The following CNR1 variants were observed in gnomAD, a reference collection of about 807,000 sequenced individuals.
CNR1 encodes cannabinoid receptor 1, also known as cannabinoid receptor 1 (brain).
Under a neutral mutation model 23.0 loss-of-function variants are expected in CNR1, and 10 were observed. The observed-to-expected ratio is 0.43, with a 90% CI of 0.27 to 0.74. The LOEUF (loss-of-function observed/expected upper bound fraction) is 0.74. Among genes scored for constraint, CNR1 ranks in the 30% least tolerant of loss-of-function variants. CNR1 has a pLI of 0.19. For missense variants in CNR1, 422 were observed against 618.8 expected (o/e 0.68, Z 3.37); for synonymous variants, 271 against 255.2 (o/e 1.06, Z -0.59).
chr6:88,152,948 A>C (rs979753647), intron 1 of CNR1, among the ~76,000 whole-genome samples: 6 of 152,228 alleles, frequency 3.9e-5, no homozygotes, highest in Non-Finnish European at 8.8e-5. Flanking sequence ...CCTATTAAAG[A>C]AGCAGTTGGT....
intron 1 of CNR1, among the ~76,000 whole-genome samples, chr6:88,149,574 C>T (rs1777409738): frequency 1.3e-5 from 2 of 152,178 alleles, no homozygotes; most frequent in African/African-American, 4.8e-5. Context: ...TTTTGCCTTT[C>T]GACTCCCACT....
chr6:88,147,412 G>A (rs757004326), intron 1 of CNR1, among the ~76,000 whole-genome samples: 10 of 152,204 alleles, frequency 6.6e-5, no homozygotes, highest in African/African-American at 9.7e-5. Flanking sequence ...AATTGGGGAC[G>A]TACAGGATGC....
At chr6:88,164,997 G>A (rs1317384858) in intron 1 of CNR1, among the ~76,000 whole-genome samples, 1 of 152,018 alleles carries the variant, frequency 6.6e-6, no homozygotes, top group Non-Finnish European at 1.5e-5. Flanking sequence ...TTATTTGGAG[G>A]AAAATAAAAA....
intron 1 of CNR1, among the ~76,000 whole-genome samples, chr6:88,165,380 T>A (rs1261337440): frequency 6.6e-6 from 1 of 152,248 alleles, no homozygotes; most frequent in Non-Finnish European, 1.5e-5. Flanking sequence ...AAAAGTTTAT[T>A]ATTTGACATA....
intron 1 of CNR1, among the ~76,000 whole-genome samples, chr6:88,160,896 G>T (rs976640300): frequency 2.0e-5 from 3 of 152,088 alleles, no homozygotes; most frequent in Admixed American, 2.0e-4. Flanking sequence ...GAAAGAGGGG[G>T]ACCCTCTCAT....
At chr6:88,149,713 A>G (rs1005969912) in intron 1 of CNR1, among the ~76,000 whole-genome samples, 2 of 152,046 alleles carry the variant, frequency 1.3e-5, no homozygotes, top group Non-Finnish European at 2.9e-5. Context: ...TGCCTACTAA[A>G]CTTATCTTTC....
At chr6:88,165,504 G>GCAC (rs1167953366) in intron 1 of CNR1, among the ~76,000 whole-genome samples, 7 of 152,188 alleles carry the variant, frequency 4.6e-5, no homozygotes, top group African/African-American at 1.7e-4. Context: ...TAGGCATTCA[G>GCAC]CACCAACTCA....
intron 1 of CNR1, among the ~76,000 whole-genome samples, chr6:88,153,048 C>G (rs890500150): frequency 3.9e-5 from 6 of 152,108 alleles, no homozygotes; most frequent in African/African-American, 7.2e-5. Context: ...CCAACATATT[C>G]TAACAGTGTA....
chr6:88,140,218 TAAAG>T lies in CNR1; in HGVS notation c.*3634_*3637del, dbSNP rs1443038382. On this transcript the variant is annotated 3_prime_UTR_variant, in exon 2 of 2. Coordinates refer to ENST00000369501, the MANE Select transcript of CNR1 (RefSeq NM_016083.6). ...GTAATAATGTTAGATTTACAGACAA[TAAAG>T]AGTCATGTTTCCCGCTTGAAACATT... The T allele has an allele frequency of 1.3e-5, 2 of 152,712 alleles. No homozygotes were observed. Among genetic ancestry groups the T allele is most frequent in the African/African-American group, 2.4e-5 (1 of 41,414 alleles). The allele number at this position is 152,712 out of a possible 1,614,324, so 9.5% of individuals were successfully genotyped here. A position where few individuals can be genotyped will look rare whatever the true frequency, so the allele number is the denominator to read the frequency against.
At position 88,145,016 on chromosome 6, in the gene CNR1, A is replaced by G. The variant is rs370383012; in HGVS notation, c.259T>C (p.Ser87Pro). 19 of 1,614,010 alleles carry G rather than the reference A, an allele frequency of 1.2e-5. No individual in the cohort carries two copies. The highest frequency in any genetic ancestry group is 1.5e-5 in the Non-Finnish European group (18 of 1,180,026). The change falls in exon 2 of 2, where the codon TCG becomes CCG. Residue 87 changes from serine (S) to proline (P), a missense_variant. Coordinates refer to ENST00000369501, the MANE Select transcript of CNR1 (RefSeq NM_016083.6). ...NITEFYNKSLSSFKENEENIQ... is the reference protein window; with the variant it reads ...NITEFYNKSLPSFKENEENIQ... The stretch of plus-strand genomic sequence containing the variant: ...TTCTCCTCATTCTCCTTGAAGGACG[A>G]GAGAGACTTGTTGTAAAATTCTGTA...
intron 1 of CNR1, among the ~76,000 whole-genome samples, chr6:88,155,173 A>C (rs549516567): frequency 9.9e-5 from 15 of 152,220 alleles, no homozygotes; most frequent in South Asian, 2.1e-4. Context: ...TTCTCTCTTC[A>C]TCTATCAGTG....
At chr6:88,154,283 T>C (rs1373165743) in intron 1 of CNR1, among the ~76,000 whole-genome samples, 2 of 152,222 alleles carry the variant, frequency 1.3e-5, no homozygotes, top group African/African-American at 4.8e-5. Flanking sequence ...TCTGTTCAAA[T>C]TTAATGTGAA....
chr6:88,154,736 G>A (rs928606431), intron 1 of CNR1, among the ~76,000 whole-genome samples: 1 of 152,038 alleles, frequency 6.6e-6, no homozygotes, highest in Non-Finnish European at 1.5e-5. Context: ...ATGCCACCAC[G>A]CCTAGTTAAT....
chr6:88,144,870 G>C lies in CNR1; in HGVS notation c.405C>G (p.Leu135=). 1 of 1,614,206 alleles carries C rather than the reference G, an allele frequency of 6.2e-7. No individual in the cohort carries two copies. Among genetic ancestry groups the C allele is most frequent in the Non-Finnish European group, 8.5e-7 (1 of 1,180,036 alleles). Residue 135 remains leucine, a synonymous_variant, in exon 2 of 2, where the codon CTC becomes CTG. Coordinates refer to ENST00000369501, the MANE Select transcript of CNR1 (RefSeq NM_016083.6). The surrounding 1 kb of genome is among the most constrained non-coding windows in gnomAD (Gnocchi z 7.8). ...TLGTFTVLEN[L]LVLCVILHSR... ...AGTGGAGGATGACGCACAGCACCAG[G>C]AGGTTCTCCAGGACCGTGAAGGTGC...
intron 1 of CNR1, among the ~76,000 whole-genome samples, chr6:88,146,457 C>T (rs2127832188): frequency 6.6e-6 from 1 of 152,228 alleles, no homozygotes; most frequent in South Asian, 2.1e-4. Context: ...CTGATAGTCC[C>T]CTTCATGAGC....
Position 88,145,312 on chromosome 6 carries a change from G to A in CNR1, c.-38C>T, listed in dbSNP as rs369660344. The A allele has an allele frequency of 1.3e-6, 2 of 1,544,648 alleles. No individual in the cohort carries two copies. Among genetic ancestry groups the A allele is most frequent in the African/African-American group, 2.7e-5 (2 of 73,094 alleles). On this transcript the variant is annotated 5_prime_UTR_variant, in exon 2 of 2. Coordinates refer to ENST00000369501, the MANE Select transcript of CNR1 (RefSeq NM_016083.6). ...TGATTAGGCTGAGCTCAAAATGACT[G>A]AGAAAGTGACCCACAGGGGGCAATC...
At chr6:88,148,638 TTTAGGTAAGG>T (rs1240908436) in intron 1 of CNR1, among the ~76,000 whole-genome samples, 2 of 152,208 alleles carry the variant, frequency 1.3e-5, no homozygotes, top group Non-Finnish European at 2.9e-5. Flanking sequence ...ATATGCTCTA[TTTAGGTAAGG>T]TTATTAGCAT....
At chr6:88,148,175 C>T (rs1237743291) in intron 1 of CNR1, among the ~76,000 whole-genome samples, 1 of 152,232 alleles carries the variant, frequency 6.6e-6, no homozygotes, top group Non-Finnish European at 1.5e-5. Flanking sequence ...GCCCCTTACA[C>T]TCCCGCCTGG....
At position 88,147,147 on chromosome 6, in the gene CNR1, A is replaced by T. The variant is rs534116612; in HGVS notation, c.-63-1810T>A. Among the ~76,000 whole-genome samples the T allele has an allele frequency of 2.3e-4, 35 of 152,266 alleles. 1 individual carries two copies. Among genetic ancestry groups the T allele is most frequent in the African/African-American group, 7.2e-4 (30 of 41,556 alleles). On this transcript the variant is annotated intron_variant, in intron 1 of 1. Coordinates refer to ENST00000369501, the MANE Select transcript of CNR1 (RefSeq NM_016083.6). ...CTCTACTAAAAATAAAAAGAAATTT[A>T]AAAAAATTTTAAAAAAATTAGCTGG... is the stretch of plus-strand genomic sequence containing the variant.
Sources: gnomAD v4.1 joint callset for allele counts (sites outside exome capture counted in the v4.1 genomes callset) on GRCh38, gnomAD v4.1.1 for gene constraint, Gnocchi (gnomAD v3.1) non-coding constraint, MANE v1.5 for transcripts, NCBI Gene and HGNC (gene_info 2026-07-23, HGNC 2026-07-21) for gene names.